The following VPS54 variants were observed in gnomAD, a reference collection of about 807,000 sequenced individuals.
VPS54 encodes the protein vacuolar protein sorting-associated protein 54.
VPS54 carries 45 observed loss-of-function variants against 121.5 expected under a neutral mutation model. That is an observed-to-expected ratio of 0.37 (90% CI 0.29 to 0.47). VPS54 has a LOEUF of 0.47. VPS54 is among the 20% of genes least tolerant of loss of function. The pLI, the probability that VPS54 is intolerant of heterozygous loss-of-function variation, is 0.99. For missense variants in VPS54, 1,090 were observed against 1,131.4 expected (o/e 0.96, Z 0.52); for synonymous variants, 371 against 385.8 (o/e 0.96, Z 0.45).
At chr2:63,964,996 T>C (rs913417404) in intron 6 of VPS54, among the ~76,000 whole-genome samples, 2 of 152,190 alleles carry the variant, frequency 1.3e-5, no homozygotes, top group Non-Finnish European at 2.9e-5. Context: ...GACTATGACA[T>C]TGTAAAACGT....
chr2:63,947,106 T>C (rs1008997869), intron 9 of VPS54, among the ~76,000 whole-genome samples: 1 of 151,912 alleles, frequency 6.6e-6, no homozygotes, highest in African/African-American at 2.4e-5. Flanking sequence ...TTTATAATAA[T>C]ATGAGAAACT....
At chr2:64,000,486 T>C (rs1275150991) in intron 1 of VPS54, among the ~76,000 whole-genome samples, 6 of 152,220 alleles carry the variant, frequency 3.9e-5, no homozygotes, top group Non-Finnish European at 5.9e-5. Context: ...AAGTTATTTA[T>C]TGTAGTCTTC....
chr2:63,915,151 C>CAAAA (rs5831674), intron 16 of VPS54, among the ~76,000 whole-genome samples: 1,029 of 23,834 alleles, frequency 0.043, 99 homozygotes, highest in African/African-American at 0.095. Flanking sequence ...AGCTCCGTCT[C>CAAAA]AAAAAAAAAA....
chr2:63,921,078 G>A, intron 13 of VPS54, 128 bp downstream of exon 13: 1 of 976,630 alleles, frequency 1.0e-6, no homozygotes, highest in East Asian at 2.7e-5. Flanking sequence ...CACATCAGTG[G>A]TAACACTGAC....
At chr2:63,931,670 G>T (rs192109392) in intron 12 of VPS54, among the ~76,000 whole-genome samples, 30 of 152,140 alleles carry the variant, frequency 2.0e-4, no homozygotes, top group African/African-American at 4.3e-4. Context: ...CTAATTAAAC[G>T]GAAGAGCTTC....
chr2:64,011,585 T>A (rs1241288348), intron 1 of VPS54, among the ~76,000 whole-genome samples: 1 of 151,956 alleles, frequency 6.6e-6, no homozygotes, highest in African/African-American at 2.4e-5. Context: ...AAAAATTGAT[T>A]AAGGGTCACA....
chr2:63,995,162 C>T (rs935031844), intron 1 of VPS54, among the ~76,000 whole-genome samples: 3 of 152,240 alleles, frequency 2.0e-5, no homozygotes, highest in Non-Finnish European at 4.4e-5. Context: ...TACCGTCCCC[C>T]TCTCTCACTA....
chr2:63,927,742 T>C (rs1673979792), intron 12 of VPS54, among the ~76,000 whole-genome samples: 1 of 152,146 alleles, frequency 6.6e-6, no homozygotes, highest in Non-Finnish European at 1.5e-5. Flanking sequence ...TCTAGCCCAT[T>C]GCAAGGGAGC....
chr2:63,933,612 C>G, intron 12 of VPS54, 61 bp downstream of exon 12: 1 of 1,432,008 alleles, frequency 7.0e-7, no homozygotes, highest in Non-Finnish European at 9.6e-7. Context: ...ATCAATCTTA[C>G]TGAATCCATT....
intron 16 of VPS54, 105 bp downstream of exon 16, chr2:63,916,795 T>C (rs1476889802): frequency 1.9e-6 from 2 of 1,069,572 alleles, no homozygotes; most frequent in African/African-American, 3.2e-5. Context: ...AATTTAACAC[T>C]GTTAAAACTG....
At position 63,918,729 on chromosome 2, in the gene VPS54, C is replaced by T. The variant is rs147726075; in HGVS notation, c.2164+1154G>A. On this transcript the variant is annotated intron_variant, in intron 15 of 22. Transcript: ENST00000272322. ...TAGCCTTTCTCTTAAACTCTAGATTCGATTCCATGCACCTTGCCCTGTAAA... is the reference window on the plus strand; with the variant it reads ...TAGCCTTTCTCTTAAACTCTAGATTTGATTCCATGCACCTTGCCCTGTAAA... 3.9e-5 allele frequency among the ~76,000 whole-genome samples: 6 copies of T among 152,044 alleles called. No individual in the cohort carries two copies. The East Asian group carries it at 7.7e-4, about 20-fold the overall frequency.
chr2:63,925,886 G>A lies in VPS54; in HGVS notation c.1740-4551C>T, dbSNP rs1673875292. Among the ~76,000 whole-genome samples the A allele has an allele frequency of 3.9e-5, 6 of 152,194 alleles. No individual in the cohort carries two copies. The South Asian group carries it at 1.2e-3, about 31-fold the overall frequency. Reference sequence around the variant, plus strand: ...GGTAAAGTTATAGTTCTTGAGGGGGGTGACAATTACACCAACACATTCACT... The same window carrying A: ...GGTAAAGTTATAGTTCTTGAGGGGGATGACAATTACACCAACACATTCACT... On this transcript the variant is annotated intron_variant, in intron 12 of 22. Coordinates refer to ENST00000272322, the MANE Select transcript of VPS54 (RefSeq NM_016516.3).
chr2:63,997,351 C>T (rs977147931), intron 1 of VPS54, among the ~76,000 whole-genome samples: 3 of 152,150 alleles, frequency 2.0e-5, no homozygotes, highest in Non-Finnish European at 4.4e-5. Context: ...TACTGGGAGA[C>T]TTTTCATCAC....
At chr2:63,925,923 A>G (rs1026741909) in intron 12 of VPS54, among the ~76,000 whole-genome samples, 1 of 152,194 alleles carries the variant, frequency 6.6e-6, no homozygotes, top group African/African-American at 2.4e-5. Flanking sequence ...TGTGCTAGTT[A>G]ATTGAGCTGA....
intron 1 of VPS54, among the ~76,000 whole-genome samples, chr2:64,006,177 A>G (rs578081972): frequency 1.3e-5 from 2 of 152,342 alleles, no homozygotes; most frequent in Admixed American, 1.3e-4. Context: ...TAAGCATTCA[A>G]TAAACTGCAT....
chr2:63,995,592 T>G (rs2104656739), intron 1 of VPS54, among the ~76,000 whole-genome samples: 1 of 152,374 alleles, frequency 6.6e-6, no homozygotes, highest in East Asian at 1.9e-4. Context: ...TGTTAATGAC[T>G]GGCAAGCCAA....
At chr2:63,899,401 G>T in intron 21 of VPS54, 73 bp downstream of exon 21, 2 of 1,345,778 alleles carry the variant, frequency 1.5e-6, no homozygotes, top group Non-Finnish European at 2.1e-6. Context: ...CCAAAAGCAT[G>T]TAAAAACACC....
At chr2:63,978,101 T>G (rs777167698) in intron 3 of VPS54, among the ~76,000 whole-genome samples, 1 of 152,260 alleles carries the variant, frequency 6.6e-6, no homozygotes, top group Non-Finnish European at 1.5e-5. Context: ...AGTGAGCCTG[T>G]GCCCCTGGGC....
intron 1 of VPS54, among the ~76,000 whole-genome samples, chr2:63,996,879 A>G (rs1677622315): frequency 6.6e-6 from 1 of 151,986 alleles, no homozygotes; most frequent in Non-Finnish European, 1.5e-5. Flanking sequence ...TTGCCTTGTG[A>G]TATTTTGTTG....
Sources: allele counts gnomAD v4.1 joint callset (sites outside exome capture counted in the v4.1 genomes callset), GRCh38; gene constraint gnomAD v4.1.1; transcripts MANE v1.5; gene names NCBI Gene and HGNC (gene_info 2026-07-23, HGNC 2026-07-21).